The following PINX1 variants were observed in gnomAD, a reference collection of about 807,000 sequenced individuals.
PINX1 encodes PIN2 (TERF1) interacting telomerase inhibitor 1.
Under a neutral mutation model 25.4 loss-of-function variants are expected in PINX1, and 34 were observed. The observed-to-expected ratio is 1.34, with a 90% CI of 1.02 to 1.78. The LOEUF (loss-of-function observed/expected upper bound fraction) is 1.78, where lower values mean the gene tolerates loss of function less well. Ranked by LOEUF, PINX1 falls within the 40% of genes most tolerant of loss-of-function variation. The probability of loss-of-function intolerance (pLI) is 0.00; values close to 1 mark genes in which losing one functional copy is unlikely to be tolerated. For synonymous variants in PINX1, 197 were observed against 147.7 expected, an observed-to-expected ratio of 1.33 and a Z score of -2.42; for missense variants, 592 against 404.9, an observed-to-expected ratio of 1.46 and a Z score of -3.97.
chr8:10,776,442 TAAATAAACAAAC>T (rs1801397798), intron 6 of PINX1, among the ~76,000 whole-genome samples: 1 of 142,176 alleles, frequency 7.0e-6, no homozygotes, highest in African/African-American at 2.8e-5. Context: ...AATAAATAAA[TAAATAAACAAAC>T]AAACAAACAA....
chr8:10,796,209 C>T (rs1187024374), intron 6 of PINX1, among the ~76,000 whole-genome samples: 1 of 152,086 alleles, frequency 6.6e-6, no homozygotes, highest in Non-Finnish European at 1.5e-5. Flanking sequence ...AGAGAGGCTT[C>T]CAAGGGACTG....
intron 6 of PINX1, among the ~76,000 whole-genome samples, chr8:10,811,452 C>T (rs1184320830): frequency 6.6e-6 from 1 of 152,070 alleles, no homozygotes; most frequent in Non-Finnish European, 1.5e-5. Flanking sequence ...GAAGACAAAT[C>T]CTAAGACAGC....
intron 6 of PINX1, among the ~76,000 whole-genome samples, chr8:10,803,608 T>C (rs1359277780): frequency 1.3e-5 from 2 of 152,238 alleles, no homozygotes; most frequent in Admixed American, 6.5e-5. Context: ...CTATAACTTA[T>C]ATTTTCTGTG....
In PINX1 at chr8:10,765,683, G is replaced by C. The variant is rs771844933; in HGVS notation, c.705C>G (p.His235Gln). 7.4e-6 allele frequency: 12 copies of C among 1,614,018 alleles called. No individual in the cohort carries two copies. Among genetic ancestry groups the C allele is most frequent in the Non-Finnish European group, 9.3e-6 (11 of 1,179,900 alleles). The change falls in exon 7 of 7, where the codon CAC becomes CAG. Residue 235 changes from histidine (H) to glutamine (Q), a missense_variant. Coordinates refer to ENST00000314787, the MANE Select transcript of PINX1 (RefSeq NM_017884.6). The stretch of plus-strand genomic sequence containing the variant: ...CGGCCCTCTCGGGCTTTCCCTCCGT[G>C]TGCCTCTTGGCCTTAGGCTGGAGGT... ...ESYLQPKAKR[H>Q]TEGKPERAEA...
At chr8:10,771,685 A>T (rs948246270) in intron 6 of PINX1, among the ~76,000 whole-genome samples, 1 of 152,186 alleles carries the variant, frequency 6.6e-6, no homozygotes, top group Non-Finnish European at 1.5e-5. Context: ...ACTGGCCCCA[A>T]ATGCTTTGTG....
At chr8:10,771,386 G>A (rs1380863359) in intron 6 of PINX1, 1 of 152,236 alleles carries the variant, frequency 6.6e-6, no homozygotes, top group Non-Finnish European at 1.5e-5. Context: ...TGAAGATCAA[G>A]TGTGTGACTG....
intron 6 of PINX1, among the ~76,000 whole-genome samples, chr8:10,806,924 T>C (rs982654842): frequency 2.0e-5 from 3 of 152,174 alleles, no homozygotes; most frequent in African/African-American, 7.2e-5. Flanking sequence ...CTCTGACATC[T>C]GGGGGTTCCC....
intron 6 of PINX1, among the ~76,000 whole-genome samples, chr8:10,783,443 T>C (rs573801838): frequency 2.0e-5 from 3 of 152,314 alleles, no homozygotes; most frequent in South Asian, 2.1e-4. Context: ...ACCCGTGTCT[T>C]TGCAGATATG....
At chr8:10,790,449 C>G (rs1801887495) in intron 6 of PINX1, among the ~76,000 whole-genome samples, 1 of 152,148 alleles carries the variant, frequency 6.6e-6, no homozygotes, top group African/African-American at 2.4e-5. Flanking sequence ...GGTGAGCCAG[C>G]AGAGGCTTCA....
chr8:10,776,796 GGCTGGAGAC>G (rs1166922706), intron 6 of PINX1, among the ~76,000 whole-genome samples: 4 of 152,098 alleles, frequency 2.6e-5, no homozygotes, highest in Admixed American at 6.6e-5. Context: ...TTCAGACTAC[GGCTGGAGAC>G]GCTGGAGACG....
At chr8:10,768,564 C>T in intron 6 of PINX1, among the ~76,000 whole-genome samples, 1 of 152,176 alleles carries the variant, frequency 6.6e-6, no homozygotes, top group Non-Finnish European at 1.5e-5. Context: ...TAGAGAGGGG[C>T]CAGCACCCAA....
At chr8:10,815,724 G>C (rs1026472663) in intron 6 of PINX1, among the ~76,000 whole-genome samples, 3 of 152,126 alleles carry the variant, frequency 2.0e-5, no homozygotes, top group African/African-American at 7.2e-5. Flanking sequence ...AACTGGTCAC[G>C]ATACCACTTT....
chr8:10,770,691 G>A (rs770476372), intron 6 of PINX1, among the ~76,000 whole-genome samples: 1 of 152,214 alleles, frequency 6.6e-6, no homozygotes, highest in Non-Finnish European at 1.5e-5. Context: ...TTTGGGGCAA[G>A]GAAATGAAGC....
intron 6 of PINX1, among the ~76,000 whole-genome samples, chr8:10,776,499 T>C (rs1183570831): frequency 6.6e-6 from 1 of 152,058 alleles, no homozygotes; most frequent in East Asian, 1.9e-4. Flanking sequence ...TTATATAATA[T>C]ATATAATTCT....
At chr8:10,784,789 A>G (rs1801696103) in intron 6 of PINX1, among the ~76,000 whole-genome samples, 1 of 152,212 alleles carries the variant, frequency 6.6e-6, no homozygotes, top group African/African-American at 2.4e-5. Flanking sequence ...TGAAGGGGGG[A>G]TGTCATTAAT....
intron 6 of PINX1, among the ~76,000 whole-genome samples, chr8:10,766,514 G>A (rs1363233394): frequency 6.6e-6 from 1 of 152,200 alleles, no homozygotes; most frequent in African/African-American, 2.4e-5. Flanking sequence ...AGCTGCTCCT[G>A]AAGGGAGGGC....
At chr8:10,805,609 GCGC>G (rs1563221266) in intron 6 of PINX1, among the ~76,000 whole-genome samples, 6,216 of 118,268 alleles carry the variant, frequency 0.053, 1,875 homozygotes, top group African/African-American at 0.11. Flanking sequence ...GGCCACACTA[GCGC>G]TGAGTGGGTG....
At chr8:10,805,364 A>G (rs1259654121) in intron 6 of PINX1, among the ~76,000 whole-genome samples, 1 of 152,270 alleles carries the variant, frequency 6.6e-6, no homozygotes, top group East Asian at 1.9e-4. Flanking sequence ...AAGATAAGTT[A>G]GGAATGGCAT....
intron 4 of PINX1, among the ~76,000 whole-genome samples, chr8:10,826,538 A>G (rs1408756396): frequency 6.6e-6 from 1 of 152,230 alleles, no homozygotes; most frequent in African/African-American, 2.4e-5. Flanking sequence ...CACAAAACCT[A>G]GACACAAATG....
Sources: gnomAD v4.1 joint callset for allele counts (sites outside exome capture counted in the v4.1 genomes callset) on GRCh38, gnomAD v4.1.1 for gene constraint, MANE v1.5 for transcripts, NCBI Gene and HGNC (gene_info 2026-07-23, HGNC 2026-07-21) for gene names.